The following C16orf89 variants were observed in gnomAD, a reference collection of about 807,000 sequenced individuals.
C16orf89 encodes UPF0764 protein C16orf89.
Under a neutral mutation model 41.5 loss-of-function variants are expected in C16orf89, and 57 were observed. The observed-to-expected ratio is 1.38, with a 90% confidence interval of 1.11 to 1.71. The LOEUF (loss-of-function observed/expected upper bound fraction) is 1.71, where lower values mean the gene tolerates loss of function less well. Among genes scored for constraint, C16orf89 ranks in the 40% most tolerant of loss-of-function variants. C16orf89 has a pLI of 0.00. For synonymous variants in C16orf89, 223 were observed against 190.6 expected (o/e 1.17, Z -1.40); for missense variants, 575 against 445.9 (o/e 1.29, Z -2.61).
At chr16:5,045,163 T>TA (rs755460215) in intron 7 of C16orf89, among the ~76,000 whole-genome samples, 7 of 152,210 alleles carry the variant, frequency 4.6e-5, no homozygotes, top group Non-Finnish European at 1.0e-4. Context: ...TTCCCTGACT[T>TA]ACGTACCTCA....
Position 5,062,578 on chromosome 16 carries a change from G to C in C16orf89, c.209-4C>G, listed in dbSNP as rs1224225509. 6.2e-7 allele frequency: 1 copy of C among 1,604,006 alleles called. No individual in the cohort carries two copies. The highest frequency in any genetic ancestry group is 1.3e-5 in the African/African-American group (1 of 74,542). On this transcript the variant is annotated splice_polypyrimidine_tract_variant and splice_region_variant and intron_variant, in intron 1 of 7. Transcript: ENST00000472572. Reference sequence around the variant, plus strand: ...TCCCGGACACTTTTTAGCTGCTCTGGAAGGGAACAGAGTTAATTCATTCAA... The same window carrying C: ...TCCCGGACACTTTTTAGCTGCTCTGCAAGGGAACAGAGTTAATTCATTCAA...
intron 7 of C16orf89, among the ~76,000 whole-genome samples, chr16:5,046,621 G>C (rs1315878885): frequency 1.3e-5 from 2 of 152,198 alleles, no homozygotes; most frequent in African/African-American, 4.8e-5. Context: ...AAAGTGCTAG[G>C]ATTACAGGCA....
chr16:5,062,301 G>T, intron 2 of C16orf89, 124 bp downstream of exon 2: 3 of 1,238,532 alleles, frequency 2.4e-6, no homozygotes, highest in Non-Finnish European at 3.2e-6. Context: ...CAGCAGACAG[G>T]TCCAAGTTGG....
In C16orf89 at chr16:5,044,935, G is replaced by A. The variant is rs1956268239; in HGVS notation, c.956-457C>T. On this transcript the variant is annotated intron_variant, in intron 7 of 7. Coordinates refer to ENST00000472572, the MANE Select transcript of C16orf89 (RefSeq NM_001098514.3). The stretch of plus-strand genomic sequence containing the variant: ...GGTGCTCCCTTAGGCCCCTTTTGCT[G>A]GGCCGGGTGCTCTTCCGCCAGCTGC... 2.9e-5 allele frequency: 35 copies of A among 1,218,764 alleles called. No individual in the cohort carries two copies. In the South Asian group the frequency reaches 5.0e-4, roughly 17 times the overall value. 75.5% of individuals were successfully genotyped at this position (1,218,764 alleles called of 1,614,324 possible). A position where few individuals can be genotyped will look rare whatever the true frequency, so the allele number is the denominator to read the frequency against.
chr16:5,055,616 C>A, intron 5 of C16orf89: 1 of 1,428,474 alleles, frequency 7.0e-7, no homozygotes, highest in South Asian at 1.3e-5. Context: ...ACACCCCAGC[C>A]AGCTAGCAGC....
intron 1 of C16orf89, 84 bp from the exon 2 acceptor site, chr16:5,062,658 A>C: frequency 7.2e-7 from 1 of 1,396,556 alleles, no homozygotes; most frequent in African/African-American, 1.4e-5. Flanking sequence ...AAATGCCCCA[A>C]AGTCTAATGC....
chr16:5,058,584 A>G lies in C16orf89; in HGVS notation c.536T>C (p.Leu179Pro), dbSNP rs1314282927. The change falls in exon 4 of 8, where the codon CTC becomes CCC. Residue 179 changes from leucine (L) to proline (P), a missense_variant. Transcript: ENST00000472572. ...CATGAGGCTCCTGCAGAGGTCTGAGAGGCCGCAGGGCTCGCTGCTGTCCGT... is the reference window on the plus strand; with the variant it reads ...CATGAGGCTCCTGCAGAGGTCTGAGGGGCCGCAGGGCTCGCTGCTGTCCGT... Reference protein sequence around the residue: ...TGTDSSEPCGLSDLCRSLMTK... With the variant: ...TGTDSSEPCGPSDLCRSLMTK... 1 of 1,612,422 alleles carries G rather than the reference A, an allele frequency of 6.2e-7. No individual in the cohort carries two copies. Among genetic ancestry groups the G allele is most frequent in the Non-Finnish European group, 8.5e-7 (1 of 1,179,802 alleles).
intron 1 of C16orf89, 67 bp from the exon 2 acceptor site, chr16:5,062,641 G>GA (rs143371301): frequency 3.7e-4 from 526 of 1,428,636 alleles, no homozygotes; most frequent in South Asian, 6.4e-4. Context: ...CTTGGAACAA[G>GA]AAAAAAAAAT....
In C16orf89 at chr16:5,055,404, C is replaced by T. The variant is rs1452517403; in HGVS notation, c.764-54G>A. On this transcript the variant is annotated intron_variant, in intron 5 of 7. Transcript: ENST00000472572. The stretch of plus-strand genomic sequence containing the variant: ...GGCCTGCCCCCCAGGCCCACCTCCT[C>T]CCACTCCCCAGGGCTGCCACGGTGC... The T allele has an allele frequency of 3.4e-6, 5 of 1,457,626 alleles. No individual in the cohort carries two copies. The Admixed American group carries it at 5.7e-5, about 17-fold the overall frequency. The allele number at this position is 1,457,626 out of a possible 1,614,324, so 90.3% of individuals were successfully genotyped here.
chr16:5,057,373 ATATATATAGTGG>A (rs955919721), intron 4 of C16orf89, among the ~76,000 whole-genome samples: 9 of 147,356 alleles, frequency 6.1e-5, no homozygotes, highest in African/African-American at 1.2e-4. Context: ...ATATCGTGAT[ATATATATAGTGG>A]TATATATATA....
Position 5,055,321 on chromosome 16 carries a change from C to T in C16orf89, c.793G>A (p.Asp265Asn), listed in dbSNP as rs200459591. The T allele has an allele frequency of 9.4e-5, 152 of 1,612,950 alleles. 1 individual carries two copies. The African/African-American group carries it at 1.6e-3, about 17-fold the overall frequency. ...IMFCGMGGFSDFYKLRWLEAI... is the reference protein window; with the variant it reads ...IMFCGMGGFSNFYKLRWLEAI... The stretch of plus-strand genomic sequence containing the variant: ...TCCAGCCACCGGAGCTTGTAGAAGT[C>T]GGAGAAGCCGCCCATTCCACAGAAC... The change falls in exon 6 of 8, where the codon GAC becomes AAC. Residue 265 changes from aspartate to asparagine, a missense_variant. Transcript: ENST00000472572.
At chr16:5,046,218 G>A (rs1184971325) in intron 7 of C16orf89, among the ~76,000 whole-genome samples, 4 of 152,170 alleles carry the variant, frequency 2.6e-5, no homozygotes, top group Admixed American at 1.3e-4. Context: ...GCCACAGTGG[G>A]GTTGATGGAG....
rs376333512 is a variant in C16orf89 at position 5,047,211 on chromosome 16, G to C, written c.955+667C>G. Among the ~76,000 whole-genome samples, 7 of 152,232 alleles carry C rather than the reference G, an allele frequency of 4.6e-5. No individual in the cohort carries two copies. The East Asian group carries it at 1.3e-3, about 29-fold the overall frequency. On this transcript the variant is annotated intron_variant, in intron 7 of 7. Transcript: ENST00000472572. ...CACTGCCTCCTCCTGCCATTCTCCA[G>C]CTCTAGGGAGGGTAGTGGCTTCCTG...
intron 6 of C16orf89, among the ~76,000 whole-genome samples, chr16:5,053,433 G>T (rs1956433931): frequency 6.6e-6 from 1 of 152,032 alleles, no homozygotes. Context: ...ATGGGGGAGA[G>T]GAGATAACCA....
At position 5,055,440 on chromosome 16, in the gene C16orf89, C is replaced by T. The variant is rs1596694161; in HGVS notation, c.764-90G>A. 4 of 1,208,252 alleles carry T rather than the reference C, an allele frequency of 3.3e-6. No individual in the cohort carries two copies. In the East Asian group the frequency reaches 7.6e-5, roughly 23 times the overall value. 74.8% of individuals were successfully genotyped at this position (1,208,252 alleles called of 1,614,324 possible). A position where few individuals can be genotyped will look rare whatever the true frequency, so the allele number is the denominator to read the frequency against. On this transcript the variant is annotated intron_variant, in intron 5 of 7. Coordinates refer to ENST00000472572, the MANE Select transcript of C16orf89 (RefSeq NM_001098514.3). ...GGGCTGCCACGGTGCCACCTGCCTT[C>T]ATCTGCCTGGGTTAGGCTTAGGAGG...
At chr16:5,065,393 G>A (rs1461497681) in intron 1 of C16orf89, among the ~76,000 whole-genome samples, 2 of 152,180 alleles carry the variant, frequency 1.3e-5, no homozygotes, top group Non-Finnish European at 2.9e-5. Context: ...CACTCTCCCT[G>A]CTCCCCTTGT....
intron 4 of C16orf89, among the ~76,000 whole-genome samples, chr16:5,057,328 G>T (rs1956530860): frequency 6.9e-6 from 1 of 145,116 alleles, no homozygotes; most frequent in Non-Finnish European, 1.5e-5. Context: ...ATACATAGTG[G>T]TGTATATATA....
In C16orf89 at chr16:5,065,797, G is replaced by C. The variant is rs748539338; in HGVS notation, c.112C>G (p.Leu38Val). 3 of 1,613,724 alleles carry C rather than the reference G, an allele frequency of 1.9e-6. No individual in the cohort carries two copies. The highest frequency in any genetic ancestry group is 1.7e-6 in the Non-Finnish European group (2 of 1,179,664). Residue 38 changes from leucine to valine, a missense_variant, in exon 1 of 8, where the codon CTG (leucine) becomes GTG (valine). Physicochemically the swap from Leu to Val is conservative, Grantham distance 32. Coordinates refer to ENST00000472572, the MANE Select transcript of C16orf89 (RefSeq NM_001098514.3). ...GCTCTCTCCAGCGCAGACAGGATCA[G>C]GTCTGCAATGGTGGCTTTACTTTCA... The part of the protein sequence containing the change: ...TAESKATIAD[L>V]ILSALERATV...
chr16:5,060,945 CTTTT>C lies in C16orf89; in HGVS notation c.359-513_359-510del, dbSNP rs386384101. Among the ~76,000 whole-genome samples the C allele has an allele frequency of 2.0e-4, 19 of 93,510 alleles. No individual in the cohort carries two copies. In the South Asian group the frequency reaches 7.9e-3, roughly 39 times the overall value. 61.3% of individuals were successfully genotyped at this position (93,510 alleles called of 152,430 possible). A position where few individuals can be genotyped will look rare whatever the true frequency, so the allele number is the denominator to read the frequency against. On this transcript the variant is annotated intron_variant, in intron 2 of 7. Coordinates refer to ENST00000472572, the MANE Select transcript of C16orf89 (RefSeq NM_001098514.3). Reference sequence around the variant, plus strand: ...GAGAATGCAGTGAGCTATGATCAGCCTTTTTTTTTTTTTTTTTTTTTTTTAAGAG... The same window carrying C: ...GAGAATGCAGTGAGCTATGATCAGCCTTTTTTTTTTTTTTTTTTTTAAGAG...
Sources: gnomAD v4.1 joint callset for allele counts (sites outside exome capture counted in the v4.1 genomes callset) on GRCh38, gnomAD v4.1.1 for gene constraint, MANE v1.5 for transcripts, NCBI Gene and HGNC (gene_info 2026-07-23, HGNC 2026-07-21) for gene names.